The following BACH2 variants were observed in gnomAD, a reference collection of about 807,000 sequenced individuals.
BACH2 encodes transcription regulator protein BACH2.
A neutral mutation model predicts 61.8 loss-of-function variants in BACH2; 5 were observed. The ratio of observed to expected loss-of-function variants is 0.08; its 90% CI spans 0.04 to 0.17. The LOEUF is 0.17. Ranked by LOEUF, BACH2 falls within the 10% of genes least tolerant of loss-of-function variation. The probability of loss-of-function intolerance (pLI) is 1.00; values close to 1 mark genes in which losing one functional copy is unlikely to be tolerated. For missense variants in BACH2, 824 were observed against 1,091.1 expected, an observed-to-expected ratio of 0.76 and a Z score of 3.45; for synonymous variants, 446 against 440.1, an observed-to-expected ratio of 1.01 and a Z score of -0.17.
At chr6:89,949,490 C>A (rs1200534059) in intron 7 of BACH2, among the ~76,000 whole-genome samples, 1 of 152,178 alleles carries the variant, frequency 6.6e-6, no homozygotes, top group Admixed American at 6.5e-5. Context: ...GAGTCTTGCT[C>A]ACGATGTGGC....
In BACH2 at chr6:90,056,895, G is replaced by T. The variant is rs936498003; in HGVS notation, c.-13+32066C>A. ...CTACTGGGTAAATAATGAAATGAAG[G>T]CAGAAATAAAGATGTTCTTTGAAAT... On this transcript the variant is annotated intron_variant, in intron 5 of 8. Transcript: ENST00000257749. Among the ~76,000 whole-genome samples, 45 of 152,258 alleles carry T rather than the reference G, an allele frequency of 3.0e-4. 1 individual carries two copies. The highest frequency in any genetic ancestry group is 4.1e-4 in the South Asian group (2 of 4,820).
intron 1 of BACH2, among the ~76,000 whole-genome samples, chr6:90,295,651 TAGGG>T (rs1772324727): frequency 7.7e-6 from 1 of 130,330 alleles, no homozygotes; most frequent in Admixed American, 7.4e-5. Context: ...GACTGGAGTG[TAGGG>T]TGTGTGTGTG....
intron 6 of BACH2, among the ~76,000 whole-genome samples, chr6:89,956,939 G>T (rs553947449): frequency 6.6e-6 from 1 of 152,248 alleles, no homozygotes; most frequent in African/African-American, 2.4e-5. Context: ...GGGCTGGCAC[G>T]CTTCTCAAGG....
intron 5 of BACH2, among the ~76,000 whole-genome samples, chr6:90,055,248 C>T (rs1372524116): frequency 6.6e-6 from 1 of 152,062 alleles, no homozygotes; most frequent in African/African-American, 2.4e-5. Flanking sequence ...GAACGGATAA[C>T]TAGAATAATC....
intron 8 of BACH2, among the ~76,000 whole-genome samples, chr6:89,934,078 C>T (rs953647150): frequency 6.6e-6 from 1 of 152,092 alleles, no homozygotes; most frequent in Non-Finnish European, 1.5e-5. Context: ...TCATATAGAA[C>T]CCAGTATCAG....
intron 3 of BACH2, among the ~76,000 whole-genome samples, chr6:90,238,435 T>C (rs1281363183): frequency 3.3e-5 from 5 of 152,364 alleles, no homozygotes; most frequent in South Asian, 2.1e-4. Context: ...CAACTGCTGA[T>C]GTGCAATTGA....
chr6:89,928,834 T>G lies in BACH2; in HGVS notation c.*3574A>C, dbSNP rs1065272. The G allele has an allele frequency of 0.5, 76,661 of 151,974 alleles. 19,728 individuals carry two copies. Among genetic ancestry groups the G allele is most frequent in the East Asian group, 0.74 (3,937 of 5,292 alleles). The allele number at this position is 151,974 out of a possible 1,614,324, so 9.4% of individuals were successfully genotyped here. The stretch of plus-strand genomic sequence containing the variant: ...GAGTCATTGCTGGGAACTCAGAAGA[T>G]AAATAGCAGGATGGCCTCGTAACTT... On this transcript the variant is annotated 3_prime_UTR_variant, in exon 9 of 9. Transcript: ENST00000257749.
At position 90,008,858 on chromosome 6, in the gene BACH2, T is replaced by TGAAA. The variant is rs763281917; in HGVS notation, c.-12-6_-12-3dup. Reference sequence around the variant, plus strand: ...ATCCACAGACATGCCGTTCACACCCTGAAAGAAAGAAAGAAACAAAGAAAG... The same window carrying TGAAA: ...ATCCACAGACATGCCGTTCACACCCTGAAAGAAAGAAAGAAAGAAACAAAGAAAG... On this transcript the variant is annotated splice_polypyrimidine_tract_variant and splice_region_variant and intron_variant, in intron 5 of 8. Transcript: ENST00000257749. This position sits in a 1 kb window ranked among gnomAD's most constrained non-coding sequence, Gnocchi z 4.1. 2.3e-5 allele frequency: 37 copies of TGAAA among 1,610,210 alleles called. No individual in the cohort carries two copies. Among genetic ancestry groups the TGAAA allele is most frequent in the African/African-American group, 1.1e-4 (8 of 74,546 alleles).
At chr6:90,203,493 T>C (rs1769029154) in intron 4 of BACH2, among the ~76,000 whole-genome samples, 1 of 151,394 alleles carries the variant, frequency 6.6e-6, no homozygotes, top group Non-Finnish European at 1.5e-5. Flanking sequence ...CTGCGAAGAA[T>C]GTATGAACAC....
chr6:90,098,070 G>A (rs1327178738), intron 4 of BACH2, among the ~76,000 whole-genome samples: 2 of 152,004 alleles, frequency 1.3e-5, no homozygotes, highest in Admixed American at 6.6e-5. Flanking sequence ...AGCCTTCCAC[G>A]CCTCCTCCAT....
intron 5 of BACH2, among the ~76,000 whole-genome samples, chr6:90,076,320 C>T (rs1781469697): frequency 1.3e-5 from 2 of 152,080 alleles, no homozygotes; most frequent in Admixed American, 1.3e-4. Flanking sequence ...CAAGGGCAAG[C>T]TTTTACTGAA....
intron 6 of BACH2, chr6:90,001,562 C>CA (rs1390550030): frequency 1.3e-5 from 2 of 152,216 alleles, no homozygotes; most frequent in African/African-American, 4.8e-5. Context: ...CTCATCATGT[C>CA]AGAGTCTGAT....
At chr6:90,187,685 C>G (rs191305387) in intron 4 of BACH2, among the ~76,000 whole-genome samples, 1,745 of 152,318 alleles carry the variant, frequency 0.011, 19 homozygotes, top group Non-Finnish European at 0.016. Context: ...ATCTGAGAAC[C>G]AGAATTTCCC....
chr6:90,152,700 C>T (rs1200210722), intron 4 of BACH2, among the ~76,000 whole-genome samples: 1 of 152,176 alleles, frequency 6.6e-6, no homozygotes, highest in Non-Finnish European at 1.5e-5. Context: ...TTCATTTAGT[C>T]TGCTTAATGC....
At chr6:90,249,701 A>T (rs1453822286) in intron 3 of BACH2, among the ~76,000 whole-genome samples, 1 of 152,132 alleles carries the variant, frequency 6.6e-6, no homozygotes, top group East Asian at 1.9e-4. Context: ...GAGCCCAGGG[A>T]GCTGCTGAGG....
chr6:90,169,309 T>C (rs1381149508), intron 4 of BACH2, among the ~76,000 whole-genome samples: 1 of 152,348 alleles, frequency 6.6e-6, no homozygotes, highest in Middle Eastern at 3.4e-3. Flanking sequence ...CCCAATTTTT[T>C]ACTGTGAAGA....
chr6:90,124,648 T>C (rs890687800), intron 4 of BACH2, among the ~76,000 whole-genome samples: 7 of 152,254 alleles, frequency 4.6e-5, no homozygotes, highest in Non-Finnish European at 1.0e-4. Context: ...TATTCTTTTA[T>C]GTACCAGAAT....
chr6:89,955,536 C>T (rs759174834), intron 6 of BACH2, among the ~76,000 whole-genome samples: 2 of 152,242 alleles, frequency 1.3e-5, no homozygotes, highest in Admixed American at 1.3e-4. Flanking sequence ...TGGCTACTTT[C>T]GGAACTGTCA....
chr6:90,114,148 G>A (rs1393789430), intron 4 of BACH2, among the ~76,000 whole-genome samples: 1 of 152,018 alleles, frequency 6.6e-6, no homozygotes, highest in Admixed American at 6.6e-5. Flanking sequence ...GAGAGGAAAT[G>A]TCTCCCCAAC....
Sources: gnomAD v4.1 joint callset for allele counts (sites outside exome capture counted in the v4.1 genomes callset) on GRCh38, gnomAD v4.1.1 for gene constraint, Gnocchi (gnomAD v3.1) non-coding constraint, MANE v1.5 for transcripts, NCBI Gene and HGNC (gene_info 2026-07-23, HGNC 2026-07-21) for gene names.